Variants in ZNF536 observed in about 807,000 individuals in gnomAD.
ZNF536 encodes zinc finger protein 536.
In ZNF536, 13 loss-of-function variants were observed where a neutral mutation model predicts 84.5. The observed-to-expected ratio is 0.15, with a 90% confidence interval of 0.10 to 0.24. The LOEUF (loss-of-function observed/expected upper bound fraction) is 0.24, where lower values mean the gene tolerates loss of function less well. Ranked by LOEUF, ZNF536 falls within the 10% of genes least tolerant of loss-of-function variation. ZNF536 has a pLI of 1.00. For synonymous variants in ZNF536, 811 were observed against 742.5 expected (o/e 1.09, Z -1.50); for missense variants, 1,536 against 1,747.5 (o/e 0.88, Z 2.16).
At chr19:30,510,252 G>A (rs1215637608) in intron 2 of ZNF536, among the ~76,000 whole-genome samples, 1 of 152,180 alleles carries the variant, frequency 6.6e-6, no homozygotes, top group Non-Finnish European at 1.5e-5. Flanking sequence ...TATGAAAAGT[G>A]CACTGTGCCA....
chr19:30,506,839 G>A (rs79885390), intron 2 of ZNF536, among the ~76,000 whole-genome samples: 1,620 of 152,270 alleles, frequency 0.011, 31 homozygotes, highest in African/African-American at 0.038. Context: ...TTGCAGAAGG[G>A]TATAAGCCAA....
intron 2 of ZNF536, among the ~76,000 whole-genome samples, chr19:30,451,030 G>A (rs1346512995): frequency 6.6e-6 from 1 of 152,254 alleles, no homozygotes; most frequent in African/African-American, 2.4e-5. Flanking sequence ...ACGGAGGATC[G>A]GCTCGTGTGT....
chr19:30,445,751 G>A lies in ZNF536; in HGVS notation c.2170+19G>A, dbSNP rs747719112. 5.9e-6 allele frequency: 9 copies of A among 1,532,344 alleles called. No individual in the cohort carries two copies. Among genetic ancestry groups the A allele is most frequent in the African/African-American group, 1.4e-5 (1 of 72,540 alleles). The allele number at this position is 1,532,344 out of a possible 1,614,324, so 94.9% of individuals were successfully genotyped here. On this transcript the variant is annotated intron_variant, in intron 2 of 4. Coordinates refer to ENST00000355537, the MANE Select transcript of ZNF536 (RefSeq NM_014717.3). The surrounding 1 kb of genome is among the most constrained non-coding windows in gnomAD (Gnocchi z 4.5). Reference sequence around the variant, plus strand: ...TCCTCAGGTAGGTTAGCTGAGAAGCGGGGAGAAGCAGCTTGTACAGCAGCC... The same window carrying A: ...TCCTCAGGTAGGTTAGCTGAGAAGCAGGGAGAAGCAGCTTGTACAGCAGCC...
chr19:30,553,686 C>T (rs1465925823), intron 4 of ZNF536, among the ~76,000 whole-genome samples: 2 of 152,186 alleles, frequency 1.3e-5, no homozygotes, highest in Non-Finnish European at 2.9e-5. Context: ...AGGCTGAGGG[C>T]AGGCACTGCG....
intron 2 of ZNF536, among the ~76,000 whole-genome samples, chr19:30,472,450 G>A (rs1048450088): frequency 5.9e-5 from 9 of 152,258 alleles, no homozygotes; most frequent in Admixed American, 3.9e-4. Context: ...CGTAGCCAGA[G>A]AAAGATTATG....
chr19:30,299,009 G>T (rs191866649), intron 2 of ZNF536, among the ~76,000 whole-genome samples: 1 of 91,152 alleles, frequency 1.1e-5, no homozygotes, highest in Admixed American at 1.1e-4. Context: ...CCTGCCAAAG[G>T]GGGGGCCTGG....
chr19:30,276,398 T>G (rs1034565480), intron 1 of ZNF536, among the ~76,000 whole-genome samples: 1 of 152,188 alleles, frequency 6.6e-6, no homozygotes, highest in Non-Finnish European at 1.5e-5. Context: ...GGGAAAGTTT[T>G]TTTTCTTAAC....
intron 2 of ZNF536, among the ~76,000 whole-genome samples, chr19:30,516,802 G>A (rs946109874): frequency 3.9e-5 from 6 of 152,154 alleles, no homozygotes; most frequent in African/African-American, 1.2e-4. Context: ...GCGAGGCTTC[G>A]TGGCGGCAGT....
chr19:30,392,478 G>A (rs551855503), intron 1 of ZNF536, among the ~76,000 whole-genome samples: 3 of 152,238 alleles, frequency 2.0e-5, no homozygotes, highest in African/African-American at 2.4e-5. Flanking sequence ...ACCACCGCCC[G>A]GCAGCAATTA....
intron 2 of ZNF536, among the ~76,000 whole-genome samples, chr19:30,332,414 C>A (rs1282090168): frequency 1.3e-5 from 2 of 152,052 alleles, no homozygotes; most frequent in Non-Finnish European, 2.9e-5. Flanking sequence ...TATGTATGCA[C>A]CCAGGCACCC....
At chr19:30,279,019 C>T (rs1030070084) in intron 1 of ZNF536, among the ~76,000 whole-genome samples, 4 of 152,202 alleles carry the variant, frequency 2.6e-5, no homozygotes, top group Non-Finnish European at 5.9e-5. Context: ...TGTCTCAGCG[C>T]TCCTTGAATG....
At chr19:30,420,938 G>T (rs1429050747) in intron 1 of ZNF536, among the ~76,000 whole-genome samples, 1 of 152,202 alleles carries the variant, frequency 6.6e-6, no homozygotes, top group African/African-American at 2.4e-5. Context: ...TGGTTTGCAT[G>T]TGTGTGTTTT....
intron 2 of ZNF536, among the ~76,000 whole-genome samples, chr19:30,496,198 C>A (rs1468068264): frequency 6.6e-6 from 1 of 152,074 alleles, no homozygotes; most frequent in Non-Finnish European, 1.5e-5. Context: ...ATGCAATGAT[C>A]CTGGGCCATC....
chr19:30,470,987 CTTT>C (rs35539055), intron 2 of ZNF536, among the ~76,000 whole-genome samples: 37 of 142,616 alleles, frequency 2.6e-4, no homozygotes, highest in African/African-American at 4.9e-4. Context: ...TGCGCCCGGC[CTTT>C]TTTTTTTTTT....
intron 1 of ZNF536, among the ~76,000 whole-genome samples, chr19:30,699,008 T>G (rs1463630727): frequency 6.6e-6 from 1 of 152,254 alleles, no homozygotes. Context: ...GATATTATGT[T>G]GTTTACTTTG....
upstream of ZNF536, among the ~76,000 whole-genome samples, chr19:30,226,167 G>A (rs1038587448): frequency 6.6e-6 from 1 of 150,778 alleles, no homozygotes; most frequent in African/African-American, 2.4e-5. This position sits in a 1 kb window ranked among gnomAD's most constrained non-coding sequence, Gnocchi z 4.6. Flanking sequence ...CCCCACCCGC[G>A]AGCGGCCCGC....
intron 1 of ZNF536, among the ~76,000 whole-genome samples, chr19:30,433,558 C>T (rs1435122318): frequency 2.6e-5 from 4 of 152,150 alleles, no homozygotes; most frequent in African/African-American, 7.2e-5. Context: ...AGTGCAATGG[C>T]GCGATCTCGG....
chr19:30,331,408 A>G (rs991944407), intron 2 of ZNF536, among the ~76,000 whole-genome samples: 1 of 149,824 alleles, frequency 6.7e-6, no homozygotes, highest in Admixed American at 6.7e-5. Flanking sequence ...CTGTCTCTGC[A>G]GTGGTCATGC....
At chr19:30,233,221 G>A (rs868125038) in intron 1 of ZNF536, among the ~76,000 whole-genome samples, 64 of 152,298 alleles carry the variant, frequency 4.2e-4, no homozygotes, top group African/African-American at 1.4e-3. Context: ...GGGTTGGGGC[G>A]GGGGGAGAAC....
Sources: gnomAD v4.1 joint callset for allele counts (sites outside exome capture counted in the v4.1 genomes callset) on GRCh38, gnomAD v4.1.1 for gene constraint, Gnocchi (gnomAD v3.1) non-coding constraint, MANE v1.5 for transcripts, NCBI Gene and HGNC (gene_info 2026-07-23, HGNC 2026-07-21) for gene names.